The following NDRG4 variants were observed in gnomAD, a reference collection of about 807,000 sequenced individuals.
NDRG4 encodes protein NDRG4.
A neutral mutation model predicts 55.8 loss-of-function variants in NDRG4; 38 were observed. That is an observed-to-expected ratio of 0.68 (90% confidence interval 0.53 to 0.89). The LOEUF (loss-of-function observed/expected upper bound fraction) is 0.89, where lower values mean the gene tolerates loss of function less well. Ranked by LOEUF, NDRG4 falls within the 40% of genes least tolerant of loss-of-function variation. The pLI is 0.00. For missense variants in NDRG4, 455 were observed against 468.6 expected, an observed-to-expected ratio of 0.97 and a Z score of 0.27; for synonymous variants, 190 against 182.7, an observed-to-expected ratio of 1.04 and a Z score of -0.32.
intron 1 of NDRG4, chr16:58,500,586 G>A: frequency 3.7e-6 from 2 of 537,814 alleles, no homozygotes; most frequent in Non-Finnish European, 6.6e-6. Flanking sequence ...CATTGCCCGT[G>A]TGGACCCGGG....
chr16:58,506,775 T>C, intron 7 of NDRG4, 137 bp from the exon 8 acceptor site: 1 of 1,151,584 alleles, frequency 8.7e-7, no homozygotes, highest in Non-Finnish European at 1.3e-6. Flanking sequence ...CCACACCTCC[T>C]ACCTGCCCCC....
intron 1 of NDRG4, among the ~76,000 whole-genome samples, chr16:58,477,694 GA>G (rs1425865639): frequency 7.5e-6 from 1 of 132,820 alleles, no homozygotes; most frequent in Admixed American, 8.3e-5. Context: ...AAAAAAAAAA[GA>G]AAATTATCAT....
upstream of NDRG4, chr16:58,499,944 T>C (rs2151765625): frequency 1.9e-6 from 1 of 528,640 alleles, no homozygotes; most frequent in East Asian, 3.8e-5. Context: ...GATGTGTGGC[T>C]GGGGTGGGAG....
At chr16:58,482,272 G>T (rs2034489677) in intron 1 of NDRG4, among the ~76,000 whole-genome samples, 4 of 152,144 alleles carry the variant, frequency 2.6e-5, no homozygotes, top group Non-Finnish European at 5.9e-5. Flanking sequence ...CCTTGACCCT[G>T]ACCTGTGGGT....
At chr16:58,500,972 C>T in intron 1 of NDRG4, 2 of 1,240,716 alleles carry the variant, frequency 1.6e-6, no homozygotes, top group Non-Finnish European at 2.0e-6. Context: ...GGTTGCCTGC[C>T]TGCCTTATTT....
chr16:58,501,099 T>A, intron 1 of NDRG4: 1 of 1,230,710 alleles, frequency 8.1e-7, no homozygotes, highest in Non-Finnish European at 1.0e-6. Flanking sequence ...CCATTCTTCC[T>A]CAGGAGGGAG....
chr16:58,477,772 A>T (rs959611285), intron 1 of NDRG4, among the ~76,000 whole-genome samples: 7 of 107,096 alleles, frequency 6.5e-5, no homozygotes, highest in African/African-American at 2.2e-4. Flanking sequence ...AGCAGGGGTA[A>T]GGGGGGTGGA....
At chr16:58,497,339 G>T (rs975890169), upstream of NDRG4, among the ~76,000 whole-genome samples, 1 of 150,504 alleles carries the variant, frequency 6.6e-6, no homozygotes, top group Non-Finnish European at 1.5e-5. Flanking sequence ...AGAAGAAGAA[G>T]AAAAAAAAAG....
At chr16:58,498,999 A>C (rs1018964353), upstream of NDRG4, 2 of 152,184 alleles carry the variant, frequency 1.3e-5, no homozygotes, top group Non-Finnish European at 2.9e-5. Context: ...TGGATTTGGG[A>C]GCATAGGCAC....
rs78073996 is a variant in NDRG4, at chr16:58,502,244, G to A, written c.22-1554G>A. On this transcript the variant is annotated intron_variant, in intron 1 of 14. Coordinates refer to ENST00000570248, the MANE Select transcript of NDRG4 (RefSeq NM_001242835.2). Reference sequence around the variant, plus strand: ...AAACTGTGGGTCAGTGGTCAGTGGCGGGGAAGTGTTCCTGGATTTGATGGG... The same window carrying A: ...AAACTGTGGGTCAGTGGTCAGTGGCAGGGAAGTGTTCCTGGATTTGATGGG... 1,432 of 341,070 alleles carry A rather than the reference G, an allele frequency of 4.2e-3. 13 individuals are homozygous for A. The highest frequency in any genetic ancestry group is 0.028 in the African/African-American group (1,292 of 46,606). The allele number at this position is 341,070 out of a possible 1,614,324, so 21.1% of individuals were successfully genotyped here. A position where few individuals can be genotyped will look rare whatever the true frequency, so the allele number is the denominator to read the frequency against.
chr16:58,491,707 G>A (rs1397993393), intron 2 of NDRG4, among the ~76,000 whole-genome samples: 2 of 152,152 alleles, frequency 1.3e-5, no homozygotes, highest in Non-Finnish European at 2.9e-5. Context: ...TGATTGGCTC[G>A]CCTTGGCCTC....
chr16:58,500,743 G>A (rs2036972345), intron 1 of NDRG4: 2 of 417,520 alleles, frequency 4.8e-6, no homozygotes, highest in Non-Finnish European at 8.4e-6. Context: ...GTGCGTGCCG[G>A]GTCTGTGCGT....
upstream of NDRG4, chr16:58,499,616 G>A (rs898575596): frequency 1.3e-5 from 2 of 154,756 alleles, no homozygotes; most frequent in Non-Finnish European, 2.9e-5. Flanking sequence ...ACAAGGTTAA[G>A]CGATGGAACC....
At position 58,512,151 on chromosome 16, in the gene NDRG4, G is replaced by T. The variant is rs775942193; in HGVS notation, c.*575G>T. ...CAGCTGGTGCTGTAGGGCCACGCAGGCAGGGGCGTCAAGGGGTTTCTCTGC... is the reference window on the plus strand; with the variant it reads ...CAGCTGGTGCTGTAGGGCCACGCAGTCAGGGGCGTCAAGGGGTTTCTCTGC... On this transcript the variant is annotated 3_prime_UTR_variant, in exon 15 of 15. Transcript: ENST00000570248. 6.6e-6 allele frequency: 3 copies of T among 455,394 alleles called. No homozygotes were observed. Among genetic ancestry groups the T allele is most frequent in the South Asian group, 4.7e-5 (3 of 64,332 alleles). 28.2% of individuals were successfully genotyped at this position (455,394 alleles called of 1,614,324 possible).
chr16:58,507,329 A>G, intron 8 of NDRG4: 1 of 420,900 alleles, frequency 2.4e-6, no homozygotes, highest in Non-Finnish European at 4.3e-6. Flanking sequence ...CGTCTGCAAA[A>G]TGAGGAAGAG....
intron 1 of NDRG4, chr16:58,501,205 C>T (rs968746887): frequency 5.4e-5 from 27 of 502,822 alleles, no homozygotes; most frequent in Middle Eastern, 5.4e-4. Context: ...GAGGTGACGA[C>T]GTCAGCACCT....
At chr16:58,506,800 G>T in intron 7 of NDRG4, 112 bp from the exon 8 acceptor site, 1 of 1,222,906 alleles carries the variant, frequency 8.2e-7, no homozygotes. Context: ...TGTCTCCCCT[G>T]CCTGCTGAGT....
intron 1 of NDRG4, among the ~76,000 whole-genome samples, chr16:58,466,614 GC>G: frequency 6.6e-6 from 1 of 152,146 alleles, no homozygotes; most frequent in Non-Finnish European, 1.5e-5. Context: ...CACAGGCTCC[GC>G]CCCCATTGTA....
At chr16:58,514,488 G>A (rs550869962), downstream of NDRG4, among the ~76,000 whole-genome samples, 16 of 152,098 alleles carry the variant, frequency 1.1e-4, no homozygotes, top group Non-Finnish European at 2.2e-4. Context: ...TGTAATCCTA[G>A]CACTCTGGGA....
Sources: gnomAD v4.1 joint callset for allele counts (sites outside exome capture counted in the v4.1 genomes callset) on GRCh38, gnomAD v4.1.1 for gene constraint, MANE v1.5 for transcripts, NCBI Gene and HGNC (gene_info 2026-07-23, HGNC 2026-07-21) for gene names.